DYNC2H1: variants seen among roughly 807,000 people sequenced by gnomAD.
The protein encoded by DYNC2H1 is dynein cytoplasmic 2 heavy chain 1.
A neutral mutation model predicts 570.0 loss-of-function variants in DYNC2H1; 410 were observed. The observed-to-expected ratio is 0.72, with a 90% CI of 0.66 to 0.78. The LOEUF (loss-of-function observed/expected upper bound fraction) is 0.78. Ranked by LOEUF, DYNC2H1 falls within the 30% of genes least tolerant of loss-of-function variation. DYNC2H1 has a pLI of 0.00. For synonymous variants in DYNC2H1, 1,688 were observed against 1,677.6 expected, an observed-to-expected ratio of 1.01 and a Z score of -0.15; for missense variants, 4,865 against 5,046.4, an observed-to-expected ratio of 0.96 and a Z score of 1.09.
intron 43 of DYNC2H1, among the ~76,000 whole-genome samples, chr11:103,188,127 T>A (rs1004458685): frequency 6.6e-6 from 1 of 152,100 alleles, no homozygotes; most frequent in African/African-American, 2.4e-5. Context: ...TTAGGCTTAT[T>A]ATGTAACTGC....
chr11:103,393,981 G>A (rs34248857), intron 83 of DYNC2H1, among the ~76,000 whole-genome samples: 7,902 of 152,018 alleles, frequency 0.052, 384 homozygotes, highest in East Asian at 0.19. Flanking sequence ...CCTCCCACTG[G>A]GTCCCTCCCA....
At chr11:103,282,257 G>T (rs1866171806) in intron 72 of DYNC2H1, 28 bp downstream of exon 72, 2 of 1,599,474 alleles carry the variant, frequency 1.3e-6, no homozygotes, top group Non-Finnish European at 8.5e-7. Context: ...AATCTATTTT[G>T]CTCTTAAAGA....
intron 17 of DYNC2H1, among the ~76,000 whole-genome samples, chr11:103,142,926 G>A (rs11225567): frequency 0.029 from 4,371 of 152,230 alleles, 218 homozygotes; most frequent in African/African-American, 0.1. Context: ...AGATTTCTAG[G>A]ATGAATCTGG....
Position 103,158,892 on chromosome 11 carries a change from TG to T in DYNC2H1, c.4261-17del. On this transcript the variant is annotated splice_polypyrimidine_tract_variant and intron_variant, in intron 27 of 88. Coordinates refer to ENST00000375735, the MANE Select transcript of DYNC2H1 (RefSeq NM_001377.3). Reference sequence around the variant, plus strand: ...ATCTGAAAAAAAGAAAGCTATTTTTTGTTTCTATTTTTATTAGGAAAAACGC... The same window carrying T: ...ATCTGAAAAAAAGAAAGCTATTTTTTTTTCTATTTTTATTAGGAAAAACGC... 6.3e-7 allele frequency: 1 copy of T among 1,574,922 alleles called. No individual in the cohort carries two copies. Among genetic ancestry groups the T allele is most frequent in the Non-Finnish European group, 8.6e-7 (1 of 1,159,496 alleles).
rs1265225582 is a variant in DYNC2H1, at chr11:103,184,789, T to C, written c.6478-107T>C. On this transcript the variant is annotated intron_variant, in intron 40 of 88. Coordinates refer to ENST00000375735, the MANE Select transcript of DYNC2H1 (RefSeq NM_001377.3). ...CTACAGTTTGAATAGAGGAGTGAGT[T>C]TAAAAATGGTTCTTGAAAAGGTATG... 5 of 1,186,936 alleles carry C rather than the reference T, an allele frequency of 4.2e-6. No homozygotes were observed. The African/African-American group carries it at 7.6e-5, about 18-fold the overall frequency. The allele number at this position is 1,186,936 out of a possible 1,614,324, so 73.5% of individuals were successfully genotyped here.
intron 84 of DYNC2H1, among the ~76,000 whole-genome samples, chr11:103,413,998 G>T (rs1452035013): frequency 1.3e-5 from 2 of 152,112 alleles, no homozygotes; most frequent in East Asian, 3.9e-4. Context: ...TTTATGCCAT[G>T]CTAAAAGAAG....
rs66572312 is a variant in DYNC2H1 at position 103,305,712 on chromosome 11, TAGTC to T, written c.11382+996_11382+999del. 0.31 allele frequency among the ~76,000 whole-genome samples: 47,067 copies of T among 151,612 alleles called. 7,641 individuals are homozygous for T. The highest frequency in any genetic ancestry group is 0.36 in the Non-Finnish European group (24,222 of 67,828). ...ATTGGCAACTACACACTTCCACAAA[TAGTC>T]AGTAAATTTTTGATGAGTAAGTTAA... On this transcript the variant is annotated intron_variant, in intron 77 of 88. Coordinates refer to ENST00000375735, the MANE Select transcript of DYNC2H1 (RefSeq NM_001377.3). The surrounding 1 kb of genome is among the most constrained non-coding windows in gnomAD (Gnocchi z 4.3).
At chr11:103,229,880 C>T (rs1031231617) in intron 59 of DYNC2H1, among the ~76,000 whole-genome samples, 1 of 152,104 alleles carries the variant, frequency 6.6e-6, no homozygotes, top group Non-Finnish European at 1.5e-5. Context: ...AAATACTAGA[C>T]TAGAAATAGT....
At chr11:103,136,574 C>T (rs1344571268) in intron 17 of DYNC2H1, among the ~76,000 whole-genome samples, 1 of 152,154 alleles carries the variant, frequency 6.6e-6, no homozygotes, top group Non-Finnish European at 1.5e-5. Flanking sequence ...TTTATGGCTG[C>T]ATAGTATTCC....
At position 103,439,861 on chromosome 11, in the gene DYNC2H1, C is replaced by T. The variant is rs990790483; in HGVS notation, c.12456+3829C>T. Among the ~76,000 whole-genome samples, 1 of 152,068 alleles carries T rather than the reference C, an allele frequency of 6.6e-6. No individual in the cohort carries two copies. Among genetic ancestry groups the T allele is most frequent in the Middle Eastern group, 3.2e-3 (1 of 316 alleles). On this transcript the variant is annotated intron_variant, in intron 85 of 88. Coordinates refer to ENST00000375735, the MANE Select transcript of DYNC2H1 (RefSeq NM_001377.3). The surrounding 1 kb of genome is among the most constrained non-coding windows in gnomAD (Gnocchi z 4.1). ...TCTTTGGGGAACTTAGAATTATTTC[C>T]CTGGCTTCAAATTTTTCTGTCTTTT...
At chr11:103,445,637 C>T (rs1461979969) in intron 85 of DYNC2H1, among the ~76,000 whole-genome samples, 2 of 152,010 alleles carry the variant, frequency 1.3e-5, no homozygotes, top group East Asian at 1.9e-4. Context: ...AGATATCAAA[C>T]GTGATTTCAA....
intron 65 of DYNC2H1, among the ~76,000 whole-genome samples, chr11:103,251,359 A>G (rs992939323): frequency 6.6e-6 from 1 of 152,004 alleles, no homozygotes; most frequent in African/African-American, 2.4e-5. Context: ...TTTACATGGT[A>G]TATACTTTGC....
intron 88 of DYNC2H1, chr11:103,474,057 TA>T: frequency 4.5e-6 from 1 of 223,482 alleles, no homozygotes; most frequent in Non-Finnish European, 9.9e-6. Context: ...AATATTTCAC[TA>T]ACATATTTTG....
intron 75 of DYNC2H1, among the ~76,000 whole-genome samples, chr11:103,290,190 T>G (rs1019287737): frequency 2.6e-5 from 4 of 152,178 alleles, no homozygotes; most frequent in East Asian, 3.9e-4. Flanking sequence ...TCTTTTTTTT[T>G]GGGTTGGGGG....
At chr11:103,398,003 T>C (rs1410025386) in intron 83 of DYNC2H1, among the ~76,000 whole-genome samples, 2 of 152,228 alleles carry the variant, frequency 1.3e-5, no homozygotes, top group Non-Finnish European at 2.9e-5. Context: ...TTCTATTAAG[T>C]GACAGTGCAA....
chr11:103,114,980 G>A (rs1233142326), intron 3 of DYNC2H1, among the ~76,000 whole-genome samples, 197 bp from the exon 4 acceptor site: 2 of 152,084 alleles, frequency 1.3e-5, no homozygotes, highest in Non-Finnish European at 2.9e-5. Context: ...TCTAAAAAAT[G>A]TGGCACTAAG....
At position 103,186,208 on chromosome 11, in the gene DYNC2H1, A is replaced by G. The variant is rs775365555; in HGVS notation, c.6634-34A>G. 5 of 1,586,620 alleles carry G rather than the reference A, an allele frequency of 3.2e-6. No homozygotes were observed. Among genetic ancestry groups the G allele is most frequent in the Non-Finnish European group, 4.3e-6 (5 of 1,163,284 alleles). On this transcript the variant is annotated intron_variant, in intron 41 of 88. Coordinates refer to ENST00000375735, the MANE Select transcript of DYNC2H1 (RefSeq NM_001377.3). The surrounding 1 kb of genome is among the most constrained non-coding windows in gnomAD (Gnocchi z 4.5). ...TTTAAAATGTCACACACTCTGGAGTATGTGAAAACTTATCACAATTTTTTC... is the reference window on the plus strand; with the variant it reads ...TTTAAAATGTCACACACTCTGGAGTGTGTGAAAACTTATCACAATTTTTTC...
At chr11:103,389,860 G>C (rs28831422) in intron 83 of DYNC2H1, among the ~76,000 whole-genome samples, 5,373 of 152,184 alleles carry the variant, frequency 0.035, 310 homozygotes, top group African/African-American at 0.12. Flanking sequence ...TGGTCTGAGA[G>C]ACAGTTTGTT....
At position 103,109,701 on chromosome 11, in the gene DYNC2H1, T is replaced by C; in HGVS notation, c.127T>C (p.Leu43=). Residue 43 remains leucine (L), a synonymous_variant, in exon 1 of 89, where the codon TTG becomes CTG. Coordinates refer to ENST00000375735, the MANE Select transcript of DYNC2H1 (RefSeq NM_001377.3). ...CAACTGTCTTGAAATCAACAACTTCTTGGATGACGGCAACCAGATGCTCCT... is the reference window on the plus strand; with the variant it reads ...CAACTGTCTTGAAATCAACAACTTCCTGGATGACGGCAACCAGATGCTCCT... ...LCNCLEINNF[L]DDGNQMLLRV... is the part of the protein sequence containing the mutation. 8 of 1,613,918 alleles carry C rather than the reference T, an allele frequency of 5.0e-6. No homozygotes were observed. Among genetic ancestry groups the C allele is most frequent in the Non-Finnish European group, 6.8e-6 (8 of 1,179,858 alleles).
Sources: gnomAD v4.1 joint callset for allele counts (sites outside exome capture counted in the v4.1 genomes callset) on GRCh38, gnomAD v4.1.1 for gene constraint, Gnocchi (gnomAD v3.1) non-coding constraint, MANE v1.5 for transcripts, NCBI Gene and HGNC (gene_info 2026-07-23, HGNC 2026-07-21) for gene names.